The following STK32A variants were observed in gnomAD, a reference collection of about 807,000 sequenced individuals.
STK32A encodes serine/threonine kinase 32A.
In STK32A, 41 loss-of-function variants were observed where a neutral mutation model predicts 53.2. That is an observed-to-expected ratio of 0.77 (90% CI 0.60 to 1.00). STK32A has a LOEUF of 1.00. STK32A is among the 50% of genes least tolerant of loss of function. The pLI, the probability that STK32A is intolerant of heterozygous loss-of-function variation, is 0.00. For missense variants in STK32A, 458 were observed against 485.8 expected (o/e 0.94, Z 0.54); for synonymous variants, 166 against 162.8 (o/e 1.02, Z -0.15).
chr5:147,364,121 A>G (rs1263895874), intron 8 of STK32A, among the ~76,000 whole-genome samples: 2 of 150,894 alleles, frequency 1.3e-5, no homozygotes, highest in South Asian at 2.1e-4. Flanking sequence ...AGGCTGAGGC[A>G]GGAGAATCAC....
intron 4 of STK32A, among the ~76,000 whole-genome samples, chr5:147,310,945 T>C (rs1415454128): frequency 1.3e-5 from 2 of 152,208 alleles, no homozygotes; most frequent in Non-Finnish European, 2.9e-5. Flanking sequence ...TTATGAAATA[T>C]GATTTAATGC....
chr5:147,274,431 G>A (rs114741768), intron 2 of STK32A, among the ~76,000 whole-genome samples: 3 of 152,252 alleles, frequency 2.0e-5, no homozygotes, highest in Non-Finnish European at 2.9e-5. Context: ...CAGAATGAAA[G>A]TTTTGGAACA....
At chr5:147,396,678 C>T in the STK32A span, among the ~76,000 whole-genome samples, 1 of 152,098 alleles carries the variant, frequency 6.6e-6, no homozygotes, top group South Asian at 2.1e-4. Context: ...AAGAACTCTA[C>T]ATCATCAACA....
At chr5:147,252,756 C>T (rs961359160) in intron 2 of STK32A, among the ~76,000 whole-genome samples, 5 of 152,140 alleles carry the variant, frequency 3.3e-5, no homozygotes, top group Admixed American at 1.3e-4. Context: ...CAGCCCTCAT[C>T]CCTCCTACCC....
chr5:147,348,612 G>T, intron 6 of STK32A: 1 of 724,114 alleles, frequency 1.4e-6, no homozygotes, highest in Non-Finnish European at 2.6e-6. Context: ...AGTCAGCTTG[G>T]AAATCTATGC....
chr5:147,253,724 C>G (rs1370945608), intron 2 of STK32A, among the ~76,000 whole-genome samples: 2 of 152,170 alleles, frequency 1.3e-5, no homozygotes, highest in Non-Finnish European at 2.9e-5. Flanking sequence ...CAAGAAGGAT[C>G]CCTGGAGTCA....
rs192357875 is a variant in STK32A at position 147,323,370 on chromosome 5, T to C, written c.261-528T>C. Reference sequence around the variant, plus strand: ...AAAGACAGAGTGAATTACTTCCTTGTACTGTGTGCTTAGTTCTTCATTGCC... The same window carrying C: ...AAAGACAGAGTGAATTACTTCCTTGCACTGTGTGCTTAGTTCTTCATTGCC... On this transcript the variant is annotated intron_variant, in intron 4 of 12. Transcript: ENST00000397936. Among the ~76,000 whole-genome samples the C allele has an allele frequency of 1.7e-4, 26 of 152,354 alleles. No individual in the cohort carries two copies. The East Asian group carries it at 4.8e-3, about 28-fold the overall frequency.
At position 147,369,840 on chromosome 5, in the gene STK32A, G is replaced by A. The variant is rs17106572; in HGVS notation, c.661-814G>A. 0.013 allele frequency among the ~76,000 whole-genome samples: 2,005 copies of A among 152,162 alleles called. 147 individuals carry two copies. In the East Asian group the frequency reaches 0.2, roughly 15 times the overall value. On this transcript the variant is annotated intron_variant, in intron 8 of 12. Transcript: ENST00000397936. ...GCACCTACTGAATGCTTGGTCTCAT[G>A]AACAAGAATGATATAATCTCTGGCT...
At chr5:147,323,014 C>A (rs1300244302) in intron 4 of STK32A, among the ~76,000 whole-genome samples, 1 of 152,186 alleles carries the variant, frequency 6.6e-6, no homozygotes, top group African/African-American at 2.4e-5. Flanking sequence ...CCCACTTGCA[C>A]TAGGTTCTTT....
chr5:147,368,303 T>C (rs1305043585), intron 8 of STK32A, among the ~76,000 whole-genome samples: 1 of 152,240 alleles, frequency 6.6e-6, no homozygotes, highest in Non-Finnish European at 1.5e-5. Context: ...AACACATCAT[T>C]TGTTCCCTTA....
Position 147,387,645 on chromosome 5 carries a change from A to G in STK32A, c.*3662A>G, listed in dbSNP as rs1338780941. 6.6e-6 allele frequency: 1 copy of G among 152,182 alleles called. No individual in the cohort carries two copies. Among genetic ancestry groups the G allele is most frequent in the Non-Finnish European group, 1.5e-5 (1 of 68,028 alleles). 9.4% of individuals were successfully genotyped at this position (152,182 alleles called of 1,614,324 possible). On this transcript the variant is annotated 3_prime_UTR_variant, in exon 13 of 13. Coordinates refer to ENST00000397936, the MANE Select transcript of STK32A (RefSeq NM_001112724.2). ...TCTACATAAAATCCTGTTTCCTGCT[A>G]TCTGTCTGTGATTCCTGTTTATTAC...
intron 2 of STK32A, among the ~76,000 whole-genome samples, chr5:147,265,045 T>C (rs1233507941): frequency 1.3e-5 from 2 of 150,926 alleles, no homozygotes; most frequent in African/African-American, 4.8e-5. Context: ...TTCTTCTTTA[T>C]ACTTTGCTGT....
intron 2 of STK32A, among the ~76,000 whole-genome samples, chr5:147,267,859 G>T (rs1754874346): frequency 6.6e-6 from 1 of 152,120 alleles, no homozygotes; most frequent in African/African-American, 2.4e-5. Context: ...AACCCATTCT[G>T]CAAGACCCAG....
At chr5:147,286,802 G>A (rs1752366078) in intron 4 of STK32A, among the ~76,000 whole-genome samples, 1 of 151,976 alleles carries the variant, frequency 6.6e-6, no homozygotes, top group African/African-American at 2.4e-5. Context: ...TTGTCCTTGA[G>A]GTCAATATAT....
intron 2 of STK32A, among the ~76,000 whole-genome samples, chr5:147,271,123 A>G (rs773494272): frequency 9.2e-5 from 14 of 152,094 alleles, no homozygotes; most frequent in Admixed American, 6.6e-5. Context: ...CAGAGACCCC[A>G]AACGGAGGGA....
chr5:147,368,240 T>C (rs1184175705), intron 8 of STK32A, among the ~76,000 whole-genome samples: 1 of 152,266 alleles, frequency 6.6e-6, no homozygotes, highest in Non-Finnish European at 1.5e-5. Flanking sequence ...TCATTGTACA[T>C]GCTTAGCTGC....
chr5:147,365,822 T>C (rs1287351809), intron 8 of STK32A, among the ~76,000 whole-genome samples: 1 of 152,100 alleles, frequency 6.6e-6, no homozygotes, highest in Non-Finnish European at 1.5e-5. Flanking sequence ...ATGCCTAGGA[T>C]TGTATTTAAC....
intron 4 of STK32A, among the ~76,000 whole-genome samples, chr5:147,281,219 C>A (rs1390237713): frequency 6.6e-6 from 1 of 152,162 alleles, no homozygotes; most frequent in Non-Finnish European, 1.5e-5. Context: ...CCAAAAATCA[C>A]ACTAGTTCAC....
intron 2 of STK32A, among the ~76,000 whole-genome samples, chr5:147,247,099 G>T (rs1039057574): frequency 2.6e-5 from 4 of 152,162 alleles, no homozygotes; most frequent in Non-Finnish European, 5.9e-5. Flanking sequence ...AATTAAATCT[G>T]CAAGCCAGTT....
Sources: allele counts gnomAD v4.1 joint callset (sites outside exome capture counted in the v4.1 genomes callset), GRCh38; gene constraint gnomAD v4.1.1; transcripts MANE v1.5; gene names NCBI Gene and HGNC (gene_info 2026-07-23, HGNC 2026-07-21).